GPC6: variants seen among roughly 807,000 people sequenced by gnomAD.
GPC6 encodes the protein glypican 6.
GPC6 carries 14 observed loss-of-function variants against 55.2 expected under a neutral mutation model. That is an observed-to-expected ratio of 0.25 (90% CI 0.17 to 0.40). The LOEUF (loss-of-function observed/expected upper bound fraction) is 0.40, where lower values mean the gene tolerates loss of function less well. GPC6 is among the 10% of genes least tolerant of loss of function. The pLI is 1.00. For missense variants in GPC6, 641 were observed against 708.5 expected, an observed-to-expected ratio of 0.90 and a Z score of 1.08; for synonymous variants, 278 against 259.6, an observed-to-expected ratio of 1.07 and a Z score of -0.68.
intron 1 of GPC6, among the ~76,000 whole-genome samples, chr13:93,480,839 T>C (rs191418153): frequency 1.6e-4 from 24 of 152,376 alleles, no homozygotes; most frequent in Non-Finnish European, 3.1e-4. Flanking sequence ...TGTTTATCTG[T>C]TCATCATTTG....
chr13:93,498,824 G>A (rs1236779289), intron 1 of GPC6, among the ~76,000 whole-genome samples: 2 of 152,158 alleles, frequency 1.3e-5, no homozygotes, highest in African/African-American at 4.8e-5. Context: ...TACTTTATCT[G>A]TTTTTTAATT....
At chr13:93,713,474 C>T (rs1046679629) in intron 2 of GPC6, among the ~76,000 whole-genome samples, 4 of 151,484 alleles carry the variant, frequency 2.6e-5, no homozygotes, top group South Asian at 2.1e-4. Context: ...GAGAATAACA[C>T]GTACAAATAT....
In GPC6 at chr13:94,074,859, T is replaced by C. The variant is rs188591438; in HGVS notation, c.877+46965T>C. 9.2e-5 allele frequency among the ~76,000 whole-genome samples: 14 copies of C among 152,280 alleles called. No individual in the cohort carries two copies. The East Asian group carries it at 2.7e-3, about 29-fold the overall frequency. ...TAAATGTTGATTAGATCACAGTGAGTCTGGTGTAACATATGAATATGGTAC... is the reference window on the plus strand; with the variant it reads ...TAAATGTTGATTAGATCACAGTGAGCCTGGTGTAACATATGAATATGGTAC... On this transcript the variant is annotated intron_variant, in intron 4 of 8. Transcript: ENST00000377047.
intron 1 of GPC6, among the ~76,000 whole-genome samples, chr13:93,357,546 T>C (rs902535132): frequency 5.0e-4 from 76 of 152,200 alleles, no homozygotes; most frequent in African/African-American, 1.8e-3. Context: ...TTTTCTATTT[T>C]TAAAAATGTA....
chr13:94,025,114 T>C (rs1170953335), intron 3 of GPC6, among the ~76,000 whole-genome samples: 1 of 152,238 alleles, frequency 6.6e-6, no homozygotes, highest in Non-Finnish European at 1.5e-5. Context: ...ACCAGAACAC[T>C]GAGTGAGAAG....
At chr13:93,297,616 C>T (rs1022794425) in intron 1 of GPC6, among the ~76,000 whole-genome samples, 1 of 152,036 alleles carries the variant, frequency 6.6e-6, no homozygotes, top group African/African-American at 2.4e-5. Context: ...AAGACCCTGT[C>T]TTTAACAGAA....
intron 1 of GPC6, among the ~76,000 whole-genome samples, chr13:93,234,506 G>A (rs1876166497): frequency 6.6e-6 from 1 of 152,104 alleles, no homozygotes; most frequent in Non-Finnish European, 1.5e-5. Context: ...AAGGATTGAG[G>A]GGAAAAAACA....
At chr13:93,760,779 G>T (rs556539617) in intron 2 of GPC6, among the ~76,000 whole-genome samples, 1 of 152,212 alleles carries the variant, frequency 6.6e-6, no homozygotes, top group East Asian at 1.9e-4. Context: ...TTCCTTACTG[G>T]ATTTGAAACT....
At chr13:93,279,474 T>C (rs994585632) in intron 1 of GPC6, among the ~76,000 whole-genome samples, 2 of 152,234 alleles carry the variant, frequency 1.3e-5, no homozygotes, top group African/African-American at 4.8e-5. Context: ...ATAAAATAGC[T>C]TCTTGAACCT....
chr13:93,280,554 T>C (rs545358036), intron 1 of GPC6, among the ~76,000 whole-genome samples: 4 of 152,398 alleles, frequency 2.6e-5, no homozygotes, highest in East Asian at 3.9e-4. Flanking sequence ...ATAGTAGATA[T>C]AAAATAAATA....
intron 4 of GPC6, among the ~76,000 whole-genome samples, chr13:94,133,189 C>T (rs570382360): frequency 4.3e-5 from 5 of 114,946 alleles, no homozygotes; most frequent in South Asian, 2.9e-4. Flanking sequence ...AATTAGACAA[C>T]GACTATATGA....
chr13:93,797,723 A>G (rs1359200006), intron 2 of GPC6, among the ~76,000 whole-genome samples: 1 of 152,206 alleles, frequency 6.6e-6, no homozygotes, highest in Non-Finnish European at 1.5e-5. Flanking sequence ...AGAAAGAAAT[A>G]TAATAGGCCA....
intron 4 of GPC6, among the ~76,000 whole-genome samples, chr13:94,197,293 C>G (rs1159313871): frequency 6.6e-6 from 1 of 152,198 alleles, no homozygotes; most frequent in African/African-American, 2.4e-5. Flanking sequence ...TTTAACATAA[C>G]CTCCACTCCC....
intron 6 of GPC6, among the ~76,000 whole-genome samples, chr13:94,343,408 T>G (rs1878136195): frequency 6.6e-6 from 1 of 152,148 alleles, no homozygotes; most frequent in South Asian, 2.1e-4. Context: ...GATCCCTCCT[T>G]TGGCTCTGAA....
intron 2 of GPC6, among the ~76,000 whole-genome samples, chr13:93,669,618 T>C (rs1424616424): frequency 2.0e-5 from 3 of 152,046 alleles, no homozygotes; most frequent in African/African-American, 7.2e-5. Context: ...ATGGTAACAG[T>C]TGAGTTTTAT....
chr13:94,091,144 G>A (rs1296307348), intron 4 of GPC6, among the ~76,000 whole-genome samples: 1 of 152,012 alleles, frequency 6.6e-6, no homozygotes, highest in Non-Finnish European at 1.5e-5. Flanking sequence ...ATATAGAAAT[G>A]TTTTATCAAA....
intron 4 of GPC6, among the ~76,000 whole-genome samples, chr13:94,081,201 A>T (rs1447416732): frequency 6.6e-6 from 1 of 152,204 alleles, no homozygotes; most frequent in Non-Finnish European, 1.5e-5. Flanking sequence ...CCAACTTCAT[A>T]ATATTTGTAT....
At chr13:94,288,892 A>ATAACAAATATATATATATT (rs1874745784) in intron 5 of GPC6, among the ~76,000 whole-genome samples, 1 of 130,486 alleles carries the variant, frequency 7.7e-6, no homozygotes, top group Non-Finnish European at 1.6e-5. Flanking sequence ...ACTAATATAT[A>ATAACAAATATATATATATT]TAACAAATAT....
chr13:94,176,799 A>G (rs1168710720), intron 4 of GPC6, among the ~76,000 whole-genome samples: 1 of 152,240 alleles, frequency 6.6e-6, no homozygotes, highest in Non-Finnish European at 1.5e-5. Context: ...ACAAAGGAGA[A>G]CAGATGTCAG....
Sources: allele counts gnomAD v4.1 joint callset (sites outside exome capture counted in the v4.1 genomes callset), GRCh38; gene constraint gnomAD v4.1.1; transcripts MANE v1.5; gene names NCBI Gene and HGNC (gene_info 2026-07-23, HGNC 2026-07-21).